The following PTPRN2 variants were observed in gnomAD, a reference collection of about 807,000 sequenced individuals.
PTPRN2 encodes the protein protein tyrosine phosphatase receptor type N2, also known as receptor-type tyrosine-protein phosphatase N2.
Under a neutral mutation model 118.8 loss-of-function variants are expected in PTPRN2, and 74 were observed. The observed-to-expected ratio is 0.62, with a 90% CI of 0.52 to 0.76. The LOEUF is 0.76. Ranked by LOEUF, PTPRN2 falls within the 30% of genes least tolerant of loss-of-function variation. The pLI is 0.00. For synonymous variants in PTPRN2, 641 were observed against 608.0 expected, an observed-to-expected ratio of 1.05 and a Z score of -0.80; for missense variants, 1,481 against 1,394.4, an observed-to-expected ratio of 1.06 and a Z score of -0.99.
At chr7:157,783,736 T>C (rs1439547476) in intron 12 of PTPRN2, among the ~76,000 whole-genome samples, 1 of 151,804 alleles carries the variant, frequency 6.6e-6, no homozygotes, top group Non-Finnish European at 1.5e-5. Context: ...CCCGCCCCAC[T>C]CCCACTTACT....
In PTPRN2 at chr7:158,239,769, C is replaced by T. The variant is rs576864960; in HGVS notation, c.278-34496G>A. ...CATCTGGATGCACGCCAAGACAAGACGTCAGTCATTTCCTGGTGAAATGAA... is the reference window on the plus strand; with the variant it reads ...CATCTGGATGCACGCCAAGACAAGATGTCAGTCATTTCCTGGTGAAATGAA... On this transcript the variant is annotated intron_variant, in intron 3 of 22. Coordinates refer to ENST00000389418, the MANE Select transcript of PTPRN2 (RefSeq NM_002847.5). 2.5e-3 allele frequency among the ~76,000 whole-genome samples: 387 copies of T among 152,336 alleles called. 6 individuals carry two copies. The highest frequency in any genetic ancestry group is 2.9e-3 in the East Asian group (15 of 5,190).
chr7:158,056,429 G>A (rs1554523264), intron 11 of PTPRN2, among the ~76,000 whole-genome samples: 1 of 152,256 alleles, frequency 6.6e-6, no homozygotes, highest in Non-Finnish European at 1.5e-5. Context: ...GAGCCCAGGG[G>A]AAAGTGTTGG....
In PTPRN2 at chr7:157,764,639, T is replaced by C. The variant is rs550984082; in HGVS notation, c.1789-81702A>G. 4.6e-5 allele frequency among the ~76,000 whole-genome samples: 7 copies of C among 152,298 alleles called. No homozygotes were observed. The South Asian group carries it at 1.0e-3, about 23-fold the overall frequency. The stretch of plus-strand genomic sequence containing the variant: ...AGATGGAAAGAGTTTTAGAAGCAGA[T>C]AGTGATGATGGTTGCACAGTATTTT... On this transcript the variant is annotated intron_variant, in intron 12 of 22. Transcript: ENST00000389418. The surrounding 1 kb of genome is among the most constrained non-coding windows in gnomAD (Gnocchi z 4.5).
chr7:158,129,744 C>A (rs1563476417), intron 9 of PTPRN2, among the ~76,000 whole-genome samples: 1 of 152,218 alleles, frequency 6.6e-6, no homozygotes. Context: ...GGCGCCTCCC[C>A]TTGGCTCTGC....
intron 1 of PTPRN2, among the ~76,000 whole-genome samples, chr7:158,492,220 C>T (rs930447332): frequency 6.6e-6 from 1 of 152,188 alleles, no homozygotes; most frequent in Admixed American, 6.5e-5. Context: ...CGTCCCTGGT[C>T]CCGGCTCTGG....
At chr7:157,855,130 A>ATGGTTGCAGGGGTGTGTG (rs1253533244) in intron 12 of PTPRN2, among the ~76,000 whole-genome samples, 3 of 93,234 alleles carry the variant, frequency 3.2e-5, no homozygotes, top group Non-Finnish European at 2.3e-5. Flanking sequence ...GGATGGCTGC[A>ATGGTTGCAGGGGTGTGTG]CGGTTGCAGG....
chr7:158,425,810 C>T (rs1356240591), intron 2 of PTPRN2, among the ~76,000 whole-genome samples: 1 of 115,536 alleles, frequency 8.7e-6, no homozygotes, highest in African/African-American at 3.6e-5. Context: ...CCGGGAAAGA[C>T]GCGGGGTCCG....
chr7:157,885,934 C>G (rs73746695), intron 12 of PTPRN2, among the ~76,000 whole-genome samples: 25 of 152,266 alleles, frequency 1.6e-4, no homozygotes, highest in African/African-American at 5.5e-4. Context: ...GAACACACCC[C>G]GGGAGGGGGC....
intron 11 of PTPRN2, among the ~76,000 whole-genome samples, chr7:158,009,818 G>A (rs1805909027): frequency 6.6e-6 from 1 of 152,174 alleles, no homozygotes; most frequent in Non-Finnish European, 1.5e-5. Flanking sequence ...TTTCTGATTT[G>A]GATCTATGAG....
At position 158,484,506 on chromosome 7, in the gene PTPRN2, G is replaced by A. The variant is rs529196080; in HGVS notation, c.163+5229C>T. Among the ~76,000 whole-genome samples the A allele has an allele frequency of 3.3e-5, 5 of 152,304 alleles. No homozygotes were observed. In the South Asian group the frequency reaches 6.2e-4, roughly 19 times the overall value. ...GCCTCCAGAGTAGCTGGGATCACAG[G>A]CACGCGCCACCACGCCCAGCTAATT... On this transcript the variant is annotated intron_variant, in intron 2 of 22. Coordinates refer to ENST00000389418, the MANE Select transcript of PTPRN2 (RefSeq NM_002847.5).
At chr7:158,207,679 C>T (rs1442166424) in intron 3 of PTPRN2, among the ~76,000 whole-genome samples, 2 of 152,132 alleles carry the variant, frequency 1.3e-5, no homozygotes, top group Non-Finnish European at 2.9e-5. Flanking sequence ...AGGATGAATA[C>T]AAACAAGCCG....
In PTPRN2 at chr7:158,254,756, A is replaced by G. The variant is rs185271170; in HGVS notation, c.278-49483T>C. The stretch of plus-strand genomic sequence containing the variant: ...TGTACAGCCCTCCCTCTCTGCGTTC[A>G]GGAGCAGAGGGCATGAGTTTCACCT... On this transcript the variant is annotated intron_variant, in intron 3 of 22. Coordinates refer to ENST00000389418, the MANE Select transcript of PTPRN2 (RefSeq NM_002847.5). Among the ~76,000 whole-genome samples, 803 of 152,370 alleles carry G rather than the reference A, an allele frequency of 5.3e-3. 6 individuals carry two copies. The highest frequency in any genetic ancestry group is 0.018 in the African/African-American group (759 of 41,588).
chr7:158,334,617 C>T (rs1405131101), intron 2 of PTPRN2, among the ~76,000 whole-genome samples: 1 of 107,914 alleles, frequency 9.3e-6, no homozygotes, highest in Admixed American at 9.2e-5. Flanking sequence ...AGAGCCGACG[C>T]CCGCAGACGT....
intron 1 of PTPRN2, among the ~76,000 whole-genome samples, chr7:158,584,739 C>T (rs918090228): frequency 1.1e-4 from 16 of 152,160 alleles, no homozygotes; most frequent in Non-Finnish European, 2.1e-4. Context: ...AAGTCAGCAT[C>T]GTGGAGTGCG....
chr7:158,284,061 C>T (rs749002202), intron 3 of PTPRN2, among the ~76,000 whole-genome samples: 27 of 152,240 alleles, frequency 1.8e-4, no homozygotes, highest in Admixed American at 1.3e-3. Flanking sequence ...TATTCGATGT[C>T]GTTGGATTTT....
At chr7:158,324,933 C>G (rs1803363168) in intron 2 of PTPRN2, among the ~76,000 whole-genome samples, 1 of 152,212 alleles carries the variant, frequency 6.6e-6, no homozygotes, top group African/African-American at 2.4e-5. Flanking sequence ...CAGGCCTGCC[C>G]TAGAGGATAT....
chr7:158,341,748 CGA>C (rs1461189160), intron 2 of PTPRN2, among the ~76,000 whole-genome samples: 1 of 145,154 alleles, frequency 6.9e-6, no homozygotes, highest in Non-Finnish European at 1.5e-5. Context: ...TCACTCACAC[CGA>C]CACTCTCACC....
At position 157,975,916 on chromosome 7, in the gene PTPRN2, C is replaced by T. The variant is rs371200601; in HGVS notation, c.1724-77179G>A. 9.2e-5 allele frequency among the ~76,000 whole-genome samples: 14 copies of T among 152,320 alleles called. No individual in the cohort carries two copies. In the East Asian group the frequency reaches 1.9e-3, roughly 21 times the overall value. On this transcript the variant is annotated intron_variant, in intron 11 of 22. Transcript: ENST00000389418. ...AGCCTGGTCCAAGGACAGCCACAAA[C>T]TAGAGATAGGCTTTGGACAAAGCAG...
intron 11 of PTPRN2, among the ~76,000 whole-genome samples, chr7:158,037,529 G>GTACT (rs1338037478): frequency 6.6e-6 from 1 of 152,154 alleles, no homozygotes; most frequent in Non-Finnish European, 1.5e-5. Context: ...GAGTACTGTA[G>GTACT]GCAACGCTAA....
Sources: allele counts gnomAD v4.1 joint callset (sites outside exome capture counted in the v4.1 genomes callset), GRCh38; gene constraint gnomAD v4.1.1; non-coding constraint Gnocchi (gnomAD v3.1); transcripts MANE v1.5; gene names NCBI Gene and HGNC (gene_info 2026-07-23, HGNC 2026-07-21).